Variants in NIN observed in about 807,000 individuals in gnomAD.
The protein encoded by NIN is ninein.
In NIN, 137 loss-of-function variants were observed where a neutral mutation model predicts 257.6. The observed-to-expected ratio is 0.53, with a 90% CI of 0.46 to 0.61. The LOEUF (loss-of-function observed/expected upper bound fraction) is 0.61, where lower values mean the gene tolerates loss of function less well. NIN is among the 20% of genes least tolerant of loss of function. The pLI is 0.00. For synonymous variants in NIN, 918 were observed against 919.8 expected, an observed-to-expected ratio of 1.00 and a Z score of 0.04; for missense variants, 2,439 against 2,501.2, an observed-to-expected ratio of 0.98 and a Z score of 0.53.
chr14:50,763,374 C>T (rs556464014), intron 15 of NIN, among the ~76,000 whole-genome samples: 18 of 152,310 alleles, frequency 1.2e-4, no homozygotes, highest in African/African-American at 4.3e-4. Context: ...GCAATACAGA[C>T]ATTCAGCACA....
chr14:50,811,392 AGCCATCGC>A (rs2044597505), intron 3 of NIN, among the ~76,000 whole-genome samples: 1 of 150,936 alleles, frequency 6.6e-6, no homozygotes, highest in African/African-American at 2.4e-5. Flanking sequence ...TACAGGTGTG[AGCCATCGC>A]GCCCGGCCTT....
At position 50,757,671 on chromosome 14, in the gene NIN, G is replaced by T. The variant is rs375931384; in HGVS notation, c.3359C>A (p.Ala1120Glu). The T allele has an allele frequency of 6.2e-7, 1 of 1,614,092 alleles. No individual in the cohort carries two copies. Reference sequence around the variant, plus strand: ...CTGTAAAAACTGCTCTGTTTGTTCCGCAGTATTTCCAAAAAACTCAGTAGC... The same window carrying T: ...CTGTAAAAACTGCTCTGTTTGTTCCTCAGTATTTCCAAAAAACTCAGTAGC... ...EPATEFFGNT[A>E]EQTEQFLQQN... Residue 1120 changes from alanine (A) to glutamate (E), a missense_variant, in exon 18 of 31, where the codon GCG becomes GAG. Physicochemically the swap from Ala to Glu is moderately radical, Grantham distance 107 (BLOSUM62 -1). Transcript: ENST00000530997.
At chr14:50,759,010 C>T (rs74051914) in intron 17 of NIN, among the ~76,000 whole-genome samples, 39 of 152,268 alleles carry the variant, frequency 2.6e-4, no homozygotes, top group African/African-American at 8.7e-4. Context: ...ATTAAGCATG[C>T]GTTATAGGAT....
chr14:50,768,052 AACACACACACACACAC>A (rs61028485), intron 12 of NIN, among the ~76,000 whole-genome samples: 50 of 139,068 alleles, frequency 3.6e-4, no homozygotes, highest in South Asian at 1.0e-3. Flanking sequence ...CACATTTGCC[AACACACACACACACAC>A]ACACACACAC....
At position 50,759,920 on chromosome 14, in the gene NIN, A is replaced by G; in HGVS notation, c.2336T>C (p.Leu779Pro). The change falls in exon 17 of 31, where the codon CTT becomes CCT. Residue 779 changes from leucine (L) to proline (P), a missense_variant. This residue lies in a region of NIN where 2,043 missense variants were observed against 2,050.2 expected (regional missense o/e 1.00). Coordinates refer to ENST00000530997, the MANE Select transcript of NIN (RefSeq NM_020921.4). The part of the protein sequence containing the change: ...QLTSLVEKHT[L>P]EKEELRKELL... ...CTCTTTTCTTAACTCCTCTTTCTCA[A>G]GAGTGTGTTTCTCCACCAGGCTTGT... 6.2e-7 allele frequency: 1 copy of G among 1,613,994 alleles called. No homozygotes were observed. The highest frequency in any genetic ancestry group is 8.5e-7 in the Non-Finnish European group (1 of 1,180,002).
At chr14:50,800,226 CATAG>C (rs1440424756) in intron 4 of NIN, among the ~76,000 whole-genome samples, 1 of 152,132 alleles carries the variant, frequency 6.6e-6, no homozygotes. Context: ...TCATTGTTTA[CATAG>C]ATAGAGCACG....
rs757078759 is a variant in NIN at position 50,766,403 on chromosome 14, G to T, written c.1546-7C>A. 2.5e-6 allele frequency: 4 copies of T among 1,613,772 alleles called. No homozygotes were observed. In the South Asian group the frequency reaches 4.4e-5, roughly 18 times the overall value. The stretch of plus-strand genomic sequence containing the variant: ...TAGGATCGAGGTCACCAAACTAGAA[G>T]GGGAAAAGGGCAAAGCTGTCATTTT... On this transcript the variant is annotated splice_polypyrimidine_tract_variant and splice_region_variant and intron_variant, in intron 13 of 30. Transcript: ENST00000530997.
intron 15 of NIN, 81 bp downstream of exon 15, chr14:50,763,745 A>C (rs765860794): frequency 2.4e-5 from 31 of 1,270,338 alleles, no homozygotes; most frequent in Admixed American, 6.5e-5. Flanking sequence ...CAAGTTGCCA[A>C]AGCTTTGCAA....
At chr14:50,826,254 T>C (rs184704916) in intron 2 of NIN, among the ~76,000 whole-genome samples, 11 of 152,292 alleles carry the variant, frequency 7.2e-5, no homozygotes, top group Admixed American at 5.2e-4. Flanking sequence ...ATAATAAACC[T>C]GGGCCTCTCC....
intron 28 of NIN, among the ~76,000 whole-genome samples, chr14:50,730,598 T>C (rs1355460845): frequency 7.0e-6 from 1 of 143,358 alleles, no homozygotes; most frequent in Non-Finnish European, 1.5e-5. Flanking sequence ...TCCTTATATC[T>C]AAATTTCTAG....
intron 2 of NIN, among the ~76,000 whole-genome samples, chr14:50,829,080 C>T (rs983237234): frequency 1.3e-5 from 2 of 152,220 alleles, no homozygotes; most frequent in African/African-American, 2.4e-5. Context: ...TTTCCCCACT[C>T]TGCAGAATGC....
At chr14:50,828,834 CCT>C (rs2045576242) in intron 2 of NIN, among the ~76,000 whole-genome samples, 3 of 152,270 alleles carry the variant, frequency 2.0e-5, no homozygotes, top group South Asian at 2.1e-4. Context: ...CTATTCTCCC[CCT>C]CTGTGACAGT....
intron 16 of NIN, among the ~76,000 whole-genome samples, chr14:50,760,981 A>ACTT (rs1364210685): frequency 6.6e-6 from 1 of 152,192 alleles, no homozygotes; most frequent in African/African-American, 2.4e-5. Flanking sequence ...GTCTTAAAAT[A>ACTT]CTTAATTAAA....
intron 2 of NIN, among the ~76,000 whole-genome samples, chr14:50,822,680 A>G (rs2045282083): frequency 6.6e-6 from 1 of 152,210 alleles, no homozygotes; most frequent in South Asian, 2.1e-4. Flanking sequence ...CTAAATGAAC[A>G]CGACGTCTGC....
intron 3 of NIN, among the ~76,000 whole-genome samples, chr14:50,812,375 C>T (rs1211478243): frequency 1.3e-5 from 2 of 152,202 alleles, no homozygotes; most frequent in Admixed American, 1.3e-4. Context: ...TGGTCTGACC[C>T]CTCAGGGAAA....
At chr14:50,812,423 C>A (rs116833478) in intron 3 of NIN, among the ~76,000 whole-genome samples, 3 of 152,258 alleles carry the variant, frequency 2.0e-5, no homozygotes, top group African/African-American at 7.2e-5. Flanking sequence ...AACTTTCACA[C>A]GAAGCCACCA....
intron 4 of NIN, among the ~76,000 whole-genome samples, chr14:50,793,400 T>A (rs2043688222): frequency 6.6e-6 from 1 of 151,716 alleles, no homozygotes; most frequent in African/African-American, 2.4e-5. Context: ...GACAAGCAGA[T>A]GACAAAACAA....
At chr14:50,739,228 C>A in intron 26 of NIN, 80 bp downstream of exon 26, 1 of 1,375,052 alleles carries the variant, frequency 7.3e-7, no homozygotes, top group Non-Finnish European at 1.0e-6. Context: ...TAGAACCATT[C>A]CAATCATATC....
In NIN at chr14:50,732,278, A is replaced by AT. The variant is rs561322182; in HGVS notation, c.5878-2556dup. 2.3e-3 allele frequency among the ~76,000 whole-genome samples: 354 copies of AT among 152,290 alleles called. 4 individuals are homozygous for AT. Among genetic ancestry groups the AT allele is most frequent in the African/African-American group, 8.2e-3 (341 of 41,544 alleles). On this transcript the variant is annotated intron_variant, in intron 28 of 30. Transcript: ENST00000530997. Reference sequence around the variant, plus strand: ...AAATCCCCTGAATCCAGAGATTCTGATATAGAAACCTGTCCCTGCCCAGCC... The same window carrying AT: ...AAATCCCCTGAATCCAGAGATTCTGATTATAGAAACCTGTCCCTGCCCAGCC...
Sources: gnomAD v4.1 joint callset for allele counts (sites outside exome capture counted in the v4.1 genomes callset) on GRCh38, gnomAD v4.1.1 for gene constraint, gnomAD v4.1.1 regional missense constraint, MANE v1.5 for transcripts, NCBI Gene and HGNC (gene_info 2026-07-23, HGNC 2026-07-21) for gene names.